The following CBY3 variants were observed in gnomAD, a reference collection of about 807,000 sequenced individuals.
The protein encoded by CBY3 is chibby family member 3.
CBY3 carries 7 observed loss-of-function variants against 3.0 expected under a neutral mutation model. The ratio of observed to expected loss-of-function variants is 2.32; its 90% CI spans 1.32 to 4.35. The LOEUF is 4.35. Ranked by LOEUF, CBY3 falls within the 30% of genes most tolerant of loss-of-function variation. The pLI is 0.00. For synonymous variants in CBY3, 170 were observed against 154.5 expected, an observed-to-expected ratio of 1.10 and a Z score of -0.74; for missense variants, 400 against 336.4, an observed-to-expected ratio of 1.19 and a Z score of -1.48.
rs917517349 is a variant in CBY3 at position 179,679,254 on chromosome 5, C to T, written c.58G>A (p.Gly20Ser). The T allele has an allele frequency of 3.0e-5, 46 of 1,525,044 alleles. No homozygotes were observed. Among genetic ancestry groups the T allele is most frequent in the East Asian group, 2.0e-4 (8 of 40,710 alleles). The allele number at this position is 1,525,044 out of a possible 1,614,324, so 94.5% of individuals were successfully genotyped here. The change falls in exon 2 of 2, where the codon GGC becomes AGC. Residue 20 changes from glycine to serine, a missense_variant. Transcript: ENST00000376974. ...EPDLGDAAPPGSPSSFWTSGL... is the reference protein window; with the variant it reads ...EPDLGDAAPPSSPSSFWTSGL... ...GATGTCCAGAATGATGAAGGCGAGC[C>T]AGGGGGCGCTGCTGGGAGACAAGAG... is the stretch of plus-strand genomic sequence containing the variant.
rs747878847 is a variant in CBY3 at position 179,678,772 on chromosome 5, C to T, written c.540G>A (p.Lys180=). ...TGTCTATGAGCAGTTCCTGCTGCAGCTTCAGGTAGTTGTTCTCCTCCAGCA... is the reference window on the plus strand; with the variant it reads ...TGTCTATGAGCAGTTCCTGCTGCAGTTTCAGGTAGTTGTTCTCCTCCAGCA... ...QVLLEENNYL[K]LQQELLIDML... The change falls in exon 2 of 2, where the codon AAG becomes AAA. Residue 180 remains lysine (K), a synonymous_variant. Coordinates refer to ENST00000376974, the MANE Select transcript of CBY3 (RefSeq NM_001164444.2). 2.0e-6 allele frequency: 3 copies of T among 1,536,972 alleles called. No individual in the cohort carries two copies. The highest frequency in any genetic ancestry group is 2.7e-5 in the African/African-American group (2 of 73,050).
Position 179,678,812 on chromosome 5 carries a change from G to A in CBY3, c.500C>T (p.Ser167Phe). The A allele has an allele frequency of 6.5e-7, 1 of 1,537,030 alleles. No homozygotes were observed. The change falls in exon 2 of 2, where the codon TCC (serine) becomes TTC (phenylalanine). Residue 167 changes from serine (S) to phenylalanine (F), a missense_variant. Physicochemically the swap from Ser to Phe is radical, Grantham distance 155 (BLOSUM62 -2). Transcript: ENST00000376974. The stretch of plus-strand genomic sequence containing the variant: ...CTCCTCCAGCAACACTTGGCTTTTG[G>A]ACCGCTGCACCTGCGCCTTCCAGCC... ...AWGWKAQVQR[S>F]KSQVLLEENN...
At position 179,678,936 on chromosome 5, in the gene CBY3, G is replaced by T. The variant is rs1775975068; in HGVS notation, c.376C>A (p.Arg126Ser). 6.5e-7 allele frequency: 1 copy of T among 1,535,226 alleles called. No individual in the cohort carries two copies. Among genetic ancestry groups the T allele is most frequent in the Middle Eastern group, 1.7e-4 (1 of 5,986 alleles). ...LGLAYGAPCM[R>S]LSNQAFVFRG... ...AACACGAAGGCCTGGTTGCTGAGGCGCATGCACGGCGCGCCGTAGGCGAGG... is the reference window on the plus strand; with the variant it reads ...AACACGAAGGCCTGGTTGCTGAGGCTCATGCACGGCGCGCCGTAGGCGAGG... The change falls in exon 2 of 2, where the codon CGC becomes AGC. Residue 126 changes from arginine (R) to serine (S), a missense_variant. Arg to Ser is a moderately radical substitution (Grantham distance 110). Coordinates refer to ENST00000376974, the MANE Select transcript of CBY3 (RefSeq NM_001164444.2).
chr5:179,679,626 C>T (rs184691688), intron 1 of CBY3, among the ~76,000 whole-genome samples: 96 of 152,090 alleles, frequency 6.3e-4, no homozygotes, highest in African/African-American at 2.2e-3. Flanking sequence ...AAATGGAGAA[C>T]TTCTAGGCAG....
In CBY3 at chr5:179,679,011, G is replaced by A. The variant is rs1278773971; in HGVS notation, c.301C>T (p.Leu101=). The A allele has an allele frequency of 4.6e-6, 7 of 1,535,576 alleles. No homozygotes were observed. In the Admixed American group the frequency reaches 9.8e-5, roughly 22 times the overall value. ...TGGTCCAGCAGGTAGAAGGTGGACA[G>A]GGAGGGCATGCGGCGCAGTGGCGGC... ...RRPPLRRMPS[L]STFYLLDHNT... The change falls in exon 2 of 2, where the codon CTG becomes TTG. Residue 101 remains leucine, a synonymous_variant. Coordinates refer to ENST00000376974, the MANE Select transcript of CBY3 (RefSeq NM_001164444.2).
intron 1 of CBY3, among the ~76,000 whole-genome samples, chr5:179,679,702 G>A (rs1463708553): frequency 6.6e-6 from 1 of 151,878 alleles, no homozygotes; most frequent in Non-Finnish European, 1.5e-5. Context: ...GTCGTTGCCC[G>A]AGCTGGAGTG....
At chr5:179,680,528 G>T (rs1249849943) in intron 1 of CBY3, among the ~76,000 whole-genome samples, 2 of 152,106 alleles carry the variant, frequency 1.3e-5, no homozygotes, top group Non-Finnish European at 2.9e-5. Context: ...GACATCCTGG[G>T]GTGTGTGCCA....
Position 179,678,878 on chromosome 5 carries a change from A to G in CBY3, c.434T>C (p.Leu145Pro), listed in dbSNP as rs1247099182. 9.8e-6 allele frequency: 15 copies of G among 1,536,052 alleles called. No homozygotes were observed. The highest frequency in any genetic ancestry group is 2.0e-5 in the Admixed American group (1 of 50,928). Residue 145 changes from leucine to proline, a missense_variant, in exon 2 of 2, where the codon CTG becomes CCG. Physicochemically the swap from Leu to Pro is moderately conservative, Grantham distance 98 (BLOSUM62 -3). Coordinates refer to ENST00000376974, the MANE Select transcript of CBY3 (RefSeq NM_001164444.2). ...GAGCAGCGGCGACCGCGTCCTCGCC[A>G]GCTGGCTCTCAGTGGTCCACCGCCC... ...RGGRWTTESQLARTRSPLLSR... is the reference protein window; with the variant it reads ...RGGRWTTESQPARTRSPLLSR...
At position 179,678,961 on chromosome 5, in the gene CBY3, G is replaced by T. The variant is rs751513335; in HGVS notation, c.351C>A (p.Gly117=). ...GCATGCACGGCGCGCCGTAGGCGAGGCCCAGCTCGGCCTGGCGCGTGTTGT... is the reference window on the plus strand; with the variant it reads ...GCATGCACGGCGCGCCGTAGGCGAGTCCCAGCTCGGCCTGGCGCGTGTTGT... The part of the protein sequence containing the change: ...LDHNTRQAEL[G]LAYGAPCMRL... Residue 117 remains glycine (G), a synonymous_variant, in exon 2 of 2, where the codon GGC becomes GGA. Coordinates refer to ENST00000376974, the MANE Select transcript of CBY3 (RefSeq NM_001164444.2). 1 of 1,535,790 alleles carries T rather than the reference G, an allele frequency of 6.5e-7. No homozygotes were observed. Among genetic ancestry groups the T allele is most frequent in the African/African-American group, 1.4e-5 (1 of 73,162 alleles).
chr5:179,678,875 G>C lies in CBY3; in HGVS notation c.437C>G (p.Ala146Gly). Residue 146 changes from alanine to glycine, a missense_variant, in exon 2 of 2, where the codon GCG becomes GGG. Physicochemically the swap from Ala to Gly is moderately conservative, Grantham distance 60. Coordinates refer to ENST00000376974, the MANE Select transcript of CBY3 (RefSeq NM_001164444.2). ...GGRWTTESQL[A>G]RTRSPLLSRT... ...CGAGAGCAGCGGCGACCGCGTCCTC[G>C]CCAGCTGGCTCTCAGTGGTCCACCG... 1 of 1,536,222 alleles carries C rather than the reference G, an allele frequency of 6.5e-7. No individual in the cohort carries two copies. The highest frequency in any genetic ancestry group is 8.7e-7 in the Non-Finnish European group (1 of 1,146,404).
rs538946054 is a variant in CBY3, at chr5:179,678,585, A to C, written c.727T>G (p.Ter243GlyextTer?). 5.1e-4 allele frequency: 761 copies of C among 1,497,682 alleles called. 1 individual carries two copies. Among genetic ancestry groups the C allele is most frequent in the South Asian group, 1.3e-3 (101 of 80,168 alleles). 92.8% of individuals were successfully genotyped at this position (1,497,682 alleles called of 1,614,324 possible). A position where few individuals can be genotyped will look rare whatever the true frequency, so the allele number is the denominator to read the frequency against. ...MIQPCALDSQ[*>G] is the part of the protein sequence containing the mutation. ...TGCGTAGCGCGGCCTTTATTGCGTCACTGCGAGTCCAGAGCGCACGGCTGG... is the reference window on the plus strand; with the variant it reads ...TGCGTAGCGCGGCCTTTATTGCGTCCCTGCGAGTCCAGAGCGCACGGCTGG... The change falls in exon 2 of 2, where the codon TGA (stop) becomes GGA (glycine). Residue 243 changes from the stop codon to glycine (G), a stop_lost. Transcript: ENST00000376974.
rs1161453509 is a variant in CBY3, at chr5:179,678,683, G to T, written c.629C>A (p.Pro210Gln). The T allele has an allele frequency of 5.2e-6, 8 of 1,536,100 alleles. No individual in the cohort carries two copies. The highest frequency in any genetic ancestry group is 6.1e-6 in the Non-Finnish European group (7 of 1,146,222). Residue 210 changes from proline (P) to glutamine (Q), a missense_variant, in exon 2 of 2, where the codon CCG (proline) becomes CAG (glutamine). Transcript: ENST00000376974. ...LEKQRNPEVI[P>Q]TAAARAGQRK... Reference sequence around the variant, plus strand: ...CTGCCCGGCGCGCGCCGCAGCCGTCGGGATCACCTCGGGGTTGCGCTGCTT... The same window carrying T: ...CTGCCCGGCGCGCGCCGCAGCCGTCTGGATCACCTCGGGGTTGCGCTGCTT...
chr5:179,679,348 C>CT (rs1488077605), intron 1 of CBY3, 83 bp from the exon 2 acceptor site: 1 of 1,201,396 alleles, frequency 8.3e-7, no homozygotes, highest in Non-Finnish European at 1.1e-6. Context: ...TGTCTTAGCC[C>CT]TGCAGCTACG....
In CBY3 at chr5:179,678,925, G is replaced by C. The variant is rs1326130990; in HGVS notation, c.387C>G (p.Asn129Lys). 1.3e-6 allele frequency: 2 copies of C among 1,535,206 alleles called. No individual in the cohort carries two copies. The highest frequency in any genetic ancestry group is 3.9e-5 in the Admixed American group (2 of 50,884). The change falls in exon 2 of 2, where the codon AAC becomes AAG. Residue 129 changes from asparagine (N) to lysine (K), a missense_variant. By Grantham distance (94) the Asn-to-Lys change is moderately conservative. Coordinates refer to ENST00000376974, the MANE Select transcript of CBY3 (RefSeq NM_001164444.2). ...AYGAPCMRLS[N>K]QAFVFRGGRW... ...GCCCGCCGCGGAACACGAAGGCCTG[G>C]TTGCTGAGGCGCATGCACGGCGCGC...
chr5:179,680,366 C>T (rs915861271), intron 1 of CBY3, among the ~76,000 whole-genome samples: 7 of 152,122 alleles, frequency 4.6e-5, no homozygotes, highest in Non-Finnish European at 8.8e-5. Flanking sequence ...CCTCATCATT[C>T]AGTCATTTGA....
Position 179,679,267 on chromosome 5 carries a change from T to G in CBY3, c.47-2A>C. 1 of 1,520,094 alleles carries G rather than the reference T, an allele frequency of 6.6e-7. No homozygotes were observed. 94.2% of individuals were successfully genotyped at this position (1,520,094 alleles called of 1,614,324 possible). A position where few individuals can be genotyped will look rare whatever the true frequency, so the allele number is the denominator to read the frequency against. ...ATGAAGGCGAGCCAGGGGGCGCTGC[T>G]GGGAGACAAGAGTCCGGGTGAGCAG... On this transcript the variant is annotated splice_acceptor_variant, in intron 1 of 1. Transcript: ENST00000376974. LOFTEE classifies it high-confidence loss of function.
At chr5:179,680,485 T>C (rs1776034595) in intron 1 of CBY3, among the ~76,000 whole-genome samples, 1 of 152,140 alleles carries the variant, frequency 6.6e-6, no homozygotes, top group Non-Finnish European at 1.5e-5. Flanking sequence ...GGAAGACAGA[T>C]GCGTGTATAG....
chr5:179,678,675 C>A lies in CBY3; in HGVS notation c.637G>T (p.Ala213Ser). Residue 213 changes from alanine (A) to serine (S), a missense_variant, in exon 2 of 2, where the codon GCG becomes TCG. Transcript: ENST00000376974. ...QRNPEVIPTAAARAGQRKMRK... is the reference protein window; with the variant it reads ...QRNPEVIPTASARAGQRKMRK... ...ATCTTCCTCTGCCCGGCGCGCGCCGCAGCCGTCGGGATCACCTCGGGGTTG... is the reference window on the plus strand; with the variant it reads ...ATCTTCCTCTGCCCGGCGCGCGCCGAAGCCGTCGGGATCACCTCGGGGTTG... 6.5e-7 allele frequency: 1 copy of A among 1,535,822 alleles called. No homozygotes were observed. The highest frequency in any genetic ancestry group is 1.4e-5 in the African/African-American group (1 of 73,132).
chr5:179,680,791 G>C, intron 1 of CBY3, 82 bp downstream of exon 1: 1 of 1,108,436 alleles, frequency 9.0e-7, no homozygotes, highest in Non-Finnish European at 1.3e-6. Flanking sequence ...AACTAGAGCA[G>C]GGTTCCCTCT....
Sources: allele counts gnomAD v4.1 joint callset (sites outside exome capture counted in the v4.1 genomes callset), GRCh38; gene constraint gnomAD v4.1.1; transcripts MANE v1.5; gene names NCBI Gene and HGNC (gene_info 2026-07-23, HGNC 2026-07-21).